ZMIZ1: variants seen among roughly 807,000 people sequenced by gnomAD.
The protein encoded by ZMIZ1 is zinc finger MIZ-type containing 1.
A neutral mutation model predicts 113.9 loss-of-function variants in ZMIZ1; 17 were observed. That is an observed-to-expected ratio of 0.15 (90% CI 0.10 to 0.22). The LOEUF is 0.22. Ranked by LOEUF, ZMIZ1 falls within the 10% of genes least tolerant of loss-of-function variation. ZMIZ1 has a pLI of 1.00. For missense variants in ZMIZ1, 1,059 were observed against 1,477.8 expected (o/e 0.72, Z 4.65); for synonymous variants, 607 against 603.1 (o/e 1.01, Z -0.09).
At chr10:79,106,396 T>C in intron 1 of ZMIZ1, among the ~76,000 whole-genome samples, 1 of 152,216 alleles carries the variant, frequency 6.6e-6, no homozygotes, top group East Asian at 1.9e-4. Context: ...CAAGGAGCTC[T>C]GTAAGAGAGC....
At chr10:79,216,350 C>T in intron 7 of ZMIZ1, 76 bp downstream of exon 7, 2 of 1,302,424 alleles carry the variant, frequency 1.5e-6, no homozygotes, top group Non-Finnish European at 2.1e-6. Flanking sequence ...TGCCTGTTTG[C>T]TGCCCCTGCC....
intron 1 of ZMIZ1, among the ~76,000 whole-genome samples, chr10:79,111,275 C>T (rs371061452): frequency 3.8e-4 from 58 of 152,134 alleles, no homozygotes; most frequent in Non-Finnish European, 7.5e-4. Flanking sequence ...TGCAGGGGCT[C>T]GGAGGTCATG....
intron 1 of ZMIZ1, among the ~76,000 whole-genome samples, chr10:79,085,206 G>A (rs1842769594): frequency 6.6e-6 from 1 of 152,180 alleles, no homozygotes; most frequent in African/African-American, 2.4e-5. Context: ...GAAGCCAAGA[G>A]TTAGCCAAGC....
At chr10:79,204,130 A>G (rs139813229) in intron 5 of ZMIZ1, among the ~76,000 whole-genome samples, 1 of 152,326 alleles carries the variant, frequency 6.6e-6, no homozygotes, top group Admixed American at 6.5e-5. Flanking sequence ...TAATCAGAAG[A>G]GAAAGGCAAG....
chr10:79,309,235 C>T (rs1854943130), intron 23 of ZMIZ1, among the ~76,000 whole-genome samples: 1 of 152,244 alleles, frequency 6.6e-6, no homozygotes, highest in African/African-American at 2.4e-5. Flanking sequence ...GGTGTGTCAG[C>T]AGTGCTCCAA....
intron 4 of ZMIZ1, among the ~76,000 whole-genome samples, chr10:79,174,103 G>A (rs957685685): frequency 1.2e-4 from 18 of 152,188 alleles, no homozygotes; most frequent in Non-Finnish European, 2.5e-4. Flanking sequence ...GAGGTGCATC[G>A]TGGGTGCATT....
intron 4 of ZMIZ1, among the ~76,000 whole-genome samples, chr10:79,179,838 C>G (rs189169499): frequency 6.6e-6 from 1 of 152,242 alleles, no homozygotes; most frequent in East Asian, 1.9e-4. Context: ...CTGGCAAGGC[C>G]GAGGCAGGTG....
At chr10:79,096,099 C>T (rs1843157615) in intron 1 of ZMIZ1, among the ~76,000 whole-genome samples, 1 of 152,216 alleles carries the variant, frequency 6.6e-6, no homozygotes, top group South Asian at 2.1e-4. Flanking sequence ...TCAGCTTCCA[C>T]CAGCCTTGCT....
intron 6 of ZMIZ1, among the ~76,000 whole-genome samples, chr10:79,212,181 A>G (rs2132697431): frequency 6.6e-6 from 1 of 151,516 alleles, no homozygotes; most frequent in East Asian, 1.9e-4. Context: ...TTTTAGAGAC[A>G]GTGTCTTGCT....
intron 1 of ZMIZ1, among the ~76,000 whole-genome samples, chr10:79,116,080 G>A (rs1345040801): frequency 6.6e-6 from 1 of 152,146 alleles, no homozygotes. Flanking sequence ...GAAATGGGGA[G>A]TATAATCCCC....
At chr10:79,297,805 T>G in intron 14 of ZMIZ1, 115 bp downstream of exon 14, 2 of 856,376 alleles carry the variant, frequency 2.3e-6, no homozygotes, top group Non-Finnish European at 3.8e-6. Flanking sequence ...TGGGTGGGGG[T>G]GCACTCCCTG....
rs1854639936 is a variant in ZMIZ1, at chr10:79,305,725, T to C, written c.2423+124T>C. On this transcript the variant is annotated intron_variant, in intron 21 of 24. Transcript: ENST00000334512. Reference sequence around the variant, plus strand: ...CCAGGCCAGCAGACCGTGACCCACATCCCCCACCTCTCTGTCCCTTACCCT... The same window carrying C: ...CCAGGCCAGCAGACCGTGACCCACACCCCCCACCTCTCTGTCCCTTACCCT... The C allele has an allele frequency of 3.1e-6, 3 of 974,562 alleles. No individual in the cohort carries two copies. The South Asian group carries it at 4.0e-5, about 13-fold the overall frequency. 60.4% of individuals were successfully genotyped at this position (974,562 alleles called of 1,614,324 possible).
chr10:79,269,247 G>A (rs1006627083), intron 7 of ZMIZ1, among the ~76,000 whole-genome samples: 5 of 152,250 alleles, frequency 3.3e-5, no homozygotes, highest in Admixed American at 3.3e-4. Context: ...CTCATGGGAT[G>A]GAAGCATCTG....
At chr10:79,087,499 C>G (rs1220099679) in intron 1 of ZMIZ1, among the ~76,000 whole-genome samples, 2 of 152,180 alleles carry the variant, frequency 1.3e-5, no homozygotes, top group African/African-American at 4.8e-5. Flanking sequence ...GGATGTTTCT[C>G]CAGCCACCTC....
At position 79,282,848 on chromosome 10, in the gene ZMIZ1, A is replaced by G. The variant is rs111798750; in HGVS notation, c.425+5523A>G. 4.1e-4 allele frequency among the ~76,000 whole-genome samples: 63 copies of G among 152,328 alleles called. No individual in the cohort carries two copies. In the East Asian group the frequency reaches 8.5e-3, roughly 21 times the overall value. The stretch of plus-strand genomic sequence containing the variant: ...ACTGGCTGCAGTGGGGCTGCCGTCT[A>G]TACTCACAGATACCCAGGATACTAT... On this transcript the variant is annotated intron_variant, in intron 8 of 24. Coordinates refer to ENST00000334512, the MANE Select transcript of ZMIZ1 (RefSeq NM_020338.4).
At chr10:79,093,071 A>G (rs956825141) in intron 1 of ZMIZ1, among the ~76,000 whole-genome samples, 1 of 150,806 alleles carries the variant, frequency 6.6e-6, no homozygotes, top group South Asian at 2.1e-4. Flanking sequence ...CAGCAAGAGA[A>G]TGAATGAGTG....
At chr10:79,201,971 T>C (rs1214610491) in intron 5 of ZMIZ1, among the ~76,000 whole-genome samples, 2 of 149,530 alleles carry the variant, frequency 1.3e-5, no homozygotes, top group Non-Finnish European at 3.0e-5. Context: ...TGCAAGGATG[T>C]AGTGATGCAC....
At chr10:79,125,816 G>A (rs1297393689) in intron 2 of ZMIZ1, among the ~76,000 whole-genome samples, 2 of 152,232 alleles carry the variant, frequency 1.3e-5, no homozygotes, top group African/African-American at 4.8e-5. Context: ...TGAGGAAACT[G>A]AGGCCCAGAG....
chr10:79,148,268 G>A (rs1285946976), intron 3 of ZMIZ1, among the ~76,000 whole-genome samples: 1 of 152,256 alleles, frequency 6.6e-6, no homozygotes, highest in East Asian at 1.9e-4. Flanking sequence ...GGTGGGCCCA[G>A]GGCCAGGCCC....
Sources: allele counts gnomAD v4.1 joint callset (sites outside exome capture counted in the v4.1 genomes callset), GRCh38; gene constraint gnomAD v4.1.1; transcripts MANE v1.5; gene names NCBI Gene and HGNC (gene_info 2026-07-23, HGNC 2026-07-21).